FRMPD4: variants seen among roughly 807,000 people sequenced by gnomAD.
FRMPD4 encodes the protein FERM and PDZ domain-containing protein 4.
A neutral mutation model predicts 94.1 loss-of-function variants in FRMPD4; 22 were observed. The ratio of observed to expected loss-of-function variants is 0.23; its 90% confidence interval spans 0.17 to 0.33. The LOEUF (loss-of-function observed/expected upper bound fraction) is 0.33, where lower values mean the gene tolerates loss of function less well. Ranked by LOEUF, FRMPD4 falls within the 10% of genes least tolerant of loss-of-function variation. FRMPD4 has a pLI of 1.00. For synonymous variants in FRMPD4, 631 were observed against 548.6 expected, an observed-to-expected ratio of 1.15 and a Z score of -2.10; for missense variants, 1,111 against 1,339.9, an observed-to-expected ratio of 0.83 and a Z score of 2.67.
intron 2 of FRMPD4, among the ~76,000 whole-genome samples, chrX:12,525,065 T>C (rs1336118096): frequency 9.0e-6 from 1 of 111,406 alleles, no homozygotes; most frequent in Non-Finnish European, 1.9e-5. Flanking sequence ...AGCCAAAAGA[T>C]TGGACACCCC....
intron 1 of FRMPD4, among the ~76,000 whole-genome samples, chrX:12,481,528 C>T (rs761356568): frequency 5.4e-5 from 6 of 111,165 alleles, no homozygotes; most frequent in Non-Finnish European, 7.5e-5. Context: ...CAACTATGAA[C>T]GGCCTACTGT....
At chrX:12,542,347 T>C (rs1461362490) in intron 2 of FRMPD4, among the ~76,000 whole-genome samples, 2 of 112,222 alleles carry the variant, frequency 1.8e-5, no homozygotes, top group African/African-American at 6.5e-5. Flanking sequence ...CCCCATTATC[T>C]CAGCCCAAAA....
chrX:12,104,278 T>C (rs2055278298), intron 3 of FRMPD4, among the ~76,000 whole-genome samples: 1 of 112,590 alleles, frequency 8.9e-6, no homozygotes, highest in Middle Eastern at 4.2e-3. Flanking sequence ...ATTCAAACCA[T>C]AGCAGCTTCT....
intron 1 of FRMPD4, among the ~76,000 whole-genome samples, chrX:12,351,214 G>A (rs1458662049): frequency 9.2e-6 from 1 of 108,888 alleles, no homozygotes; most frequent in Admixed American, 9.8e-5. Flanking sequence ...GTTCTTTCTA[G>A]AAAGCATTGC....
intron 3 of FRMPD4, among the ~76,000 whole-genome samples, chrX:11,894,258 G>C (rs1404435339): frequency 8.9e-6 from 1 of 111,977 alleles, no homozygotes; most frequent in African/African-American, 3.2e-5. Context: ...TTGACTGAGG[G>C]AAACTCTCAT....
intron 3 of FRMPD4, among the ~76,000 whole-genome samples, chrX:12,025,637 T>C (rs2054655948): frequency 8.9e-6 from 1 of 112,224 alleles, no homozygotes; most frequent in Non-Finnish European, 1.9e-5. Flanking sequence ...TTGCATTCTC[T>C]GTGGCTTTCC....
chrX:11,982,046 CTG>C (rs963371159), intron 3 of FRMPD4, among the ~76,000 whole-genome samples: 2 of 111,917 alleles, frequency 1.8e-5, no homozygotes, highest in Non-Finnish European at 3.8e-5. Context: ...CTACTTTTTT[CTG>C]TGTCTCAGAC....
chrX:12,415,360 C>A (rs1043085016), intron 1 of FRMPD4, among the ~76,000 whole-genome samples: 47 of 111,262 alleles, frequency 4.2e-4, no homozygotes, highest in African/African-American at 1.4e-3. Flanking sequence ...CTGAGCCCTG[C>A]AACCCTTACC....
At chrX:11,885,857 A>T (rs894984234) in intron 3 of FRMPD4, among the ~76,000 whole-genome samples, 1 of 111,908 alleles carries the variant, frequency 8.9e-6, no homozygotes, top group African/African-American at 3.2e-5. Context: ...CCAAAAAGGG[A>T]ATCTTAGCAG....
intron 3 of FRMPD4, among the ~76,000 whole-genome samples, chrX:12,029,826 C>T (rs2054681409): frequency 9.0e-6 from 1 of 111,379 alleles, no homozygotes; most frequent in Non-Finnish European, 1.9e-5. Context: ...TTAATATAAC[C>T]TAATCATGAG....
rs186854779 is a variant in FRMPD4, at chrX:11,953,035, C to G, written c.95+75017C>G. Reference sequence around the variant, plus strand: ...CGGGGTGCTAAACCTAATGACATGGCTGTGAAAGCTAGTGCAAAATCAATA... The same window carrying G: ...CGGGGTGCTAAACCTAATGACATGGGTGTGAAAGCTAGTGCAAAATCAATA... On this transcript the variant is annotated intron_variant, in intron 3 of 18. Coordinates refer to the FRMPD4 transcript ENST00000640291. 8.1e-5 allele frequency among the ~76,000 whole-genome samples: 9 copies of G among 111,540 alleles called. No homozygotes were observed. The East Asian group carries it at 2.5e-3, about 31-fold the overall frequency.
intron 3 of FRMPD4, among the ~76,000 whole-genome samples, chrX:12,084,745 G>A (rs1478291806): frequency 8.9e-6 from 1 of 112,196 alleles, no homozygotes; most frequent in African/African-American, 3.2e-5. Flanking sequence ...GAAGAAAGAA[G>A]CCACATTGGT....
intron 2 of FRMPD4, among the ~76,000 whole-genome samples, chrX:11,872,987 A>T (rs187985344): frequency 8.9e-6 from 1 of 112,325 alleles, no homozygotes. Flanking sequence ...TTCCTCAAAA[A>T]GTTAACCATA....
At chrX:12,443,242 A>T (rs2057158606) in intron 1 of FRMPD4, among the ~76,000 whole-genome samples, 1 of 112,175 alleles carries the variant, frequency 8.9e-6, no homozygotes. Flanking sequence ...TATGTAAATC[A>T]TATCTCAATA....
At chrX:12,109,888 A>G (rs1056506993) in intron 3 of FRMPD4, among the ~76,000 whole-genome samples, 9 of 111,900 alleles carry the variant, frequency 8.0e-5, no homozygotes, top group Non-Finnish European at 1.3e-4. Context: ...TGAATCCCGG[A>G]ATTGACCAAT....
intron 3 of FRMPD4, among the ~76,000 whole-genome samples, chrX:12,001,989 A>G (rs1306307144): frequency 9.0e-6 from 1 of 111,626 alleles, no homozygotes; most frequent in African/African-American, 3.3e-5. Flanking sequence ...TAATAATTGC[A>G]GCTGTTACTC....
At chrX:12,668,118 T>C (rs2059798698) in intron 4 of FRMPD4, among the ~76,000 whole-genome samples, 2 of 112,126 alleles carry the variant, frequency 1.8e-5, no homozygotes, top group African/African-American at 6.5e-5. Context: ...CTTCTATTCC[T>C]GATTCTAATC....
chrX:12,695,401 T>TTTTA (rs961011081), intron 9 of FRMPD4, among the ~76,000 whole-genome samples: 4 of 110,463 alleles, frequency 3.6e-5, no homozygotes, highest in African/African-American at 6.6e-5. Context: ...ACTCTTTTTT[T>TTTTA]TTTATTTATT....
intron 3 of FRMPD4, among the ~76,000 whole-genome samples, chrX:11,953,930 A>C (rs986846794): frequency 8.9e-6 from 1 of 112,206 alleles, no homozygotes; most frequent in Non-Finnish European, 1.9e-5. Flanking sequence ...AGTCTTCTTA[A>C]AGTCATATGG....
Sources: allele counts gnomAD v4.1 joint callset (sites outside exome capture counted in the v4.1 genomes callset), GRCh38; gene constraint gnomAD v4.1.1; transcripts MANE v1.5; gene names NCBI Gene and HGNC (gene_info 2026-07-23, HGNC 2026-07-21).